FRY: variants seen among roughly 807,000 people sequenced by gnomAD.
FRY encodes protein furry homolog.
A neutral mutation model predicts 348.4 loss-of-function variants in FRY; 128 were observed. That is an observed-to-expected ratio of 0.37 (90% confidence interval 0.32 to 0.43). The LOEUF is 0.43. Ranked by LOEUF, FRY falls within the 20% of genes least tolerant of loss-of-function variation. The pLI, the probability that FRY is intolerant of heterozygous loss-of-function variation, is 1.00. For synonymous variants in FRY, 1,370 were observed against 1,374.7 expected (o/e 1.00, Z 0.08); for missense variants, 2,736 against 3,695.2 (o/e 0.74, Z 6.73).
rs768008979 is a variant in FRY at position 32,261,769 on chromosome 13, G to A, written c.7570G>A (p.Glu2524Lys). ...CCATGAGGACTCCGATGAATCATCC[G>A]AGGAGGAGGACCTCACAGCCAGCCA... is the stretch of plus-strand genomic sequence containing the variant. ...MHHEDSDESSEEEDLTASQIL... is the reference protein window; with the variant it reads ...MHHEDSDESSKEEDLTASQIL... The change falls in exon 52 of 61, where the codon GAG (glutamate) becomes AAG (lysine). Residue 2524 changes from glutamate to lysine, a missense_variant. Physicochemically the swap from Glu to Lys is moderately conservative, Grantham distance 56 (BLOSUM62 1). Coordinates refer to ENST00000542859, the MANE Select transcript of FRY (RefSeq NM_023037.3). The A allele has an allele frequency of 1.2e-6, 2 of 1,614,146 alleles. No homozygotes were observed. The highest frequency in any genetic ancestry group is 1.1e-5 in the South Asian group (1 of 91,080).
rs1555255761 is a variant in FRY, at chr13:32,130,491, T to TG, written c.717-1181_717-1180insG. 4.7e-4 allele frequency among the ~76,000 whole-genome samples: 72 copies of TG among 151,612 alleles called. 1 individual carries two copies. The highest frequency in any genetic ancestry group is 1.3e-3 in the African/African-American group (54 of 41,256). On this transcript the variant is annotated intron_variant, in intron 7 of 60. Transcript: ENST00000542859. ...GTGTGTGTGTGTGTGTGTGTGTGTA[T>TG]TTTTTGGTGAATAGACAAACCAGCT...
At position 32,179,762 on chromosome 13, in the gene FRY, G is replaced by A. The variant is rs771020089; in HGVS notation, c.2959G>A (p.Val987Ile). Residue 987 changes from valine (V) to isoleucine (I), a missense_variant, in exon 23 of 61, where the codon GTT becomes ATT. By Grantham distance (29) the Val-to-Ile change is conservative (BLOSUM62 3). Coordinates refer to ENST00000542859, the MANE Select transcript of FRY (RefSeq NM_023037.3). ...GAGCATTGAGATCACAGAGTCCTTA[G>A]TTTTAGGATTTGGAAGAACAAATTC... ...LESIEITESL[V>I]LGFGRTNSLV... 2 of 1,613,784 alleles carry A rather than the reference G, an allele frequency of 1.2e-6. No individual in the cohort carries two copies. Among genetic ancestry groups the A allele is most frequent in the South Asian group, 2.2e-5 (2 of 91,080 alleles).
intron 15 of FRY, among the ~76,000 whole-genome samples, chr13:32,156,300 T>A (rs567622152): frequency 2.0e-4 from 31 of 152,312 alleles, no homozygotes; most frequent in African/African-American, 7.2e-4. Flanking sequence ...TATGCAATGT[T>A]TAAATGACTT....
At chr13:32,151,598 T>G (rs766748054) in intron 14 of FRY, among the ~76,000 whole-genome samples, 1 of 152,256 alleles carries the variant, frequency 6.6e-6, no homozygotes, top group East Asian at 1.9e-4. Flanking sequence ...AGGATTATCT[T>G]ACTGTAAACT....
rs115203681 is a variant in FRY at position 32,162,322 on chromosome 13, T to G, written c.1892+1071T>G. Among the ~76,000 whole-genome samples the G allele has an allele frequency of 7.1e-3, 1,088 of 152,288 alleles. 10 individuals are homozygous for G. The highest frequency in any genetic ancestry group is 0.023 in the African/African-American group (974 of 41,548). On this transcript the variant is annotated intron_variant, in intron 17 of 60. Coordinates refer to ENST00000542859, the MANE Select transcript of FRY (RefSeq NM_023037.3). Reference sequence around the variant, plus strand: ...TTACACATAGCCTGGTTTACTCACATCCTCTCACCTTCTGAGAGCACCTTT... The same window carrying G: ...TTACACATAGCCTGGTTTACTCACAGCCTCTCACCTTCTGAGAGCACCTTT...
chr13:32,068,721 T>C (rs543990820), intron 1 of FRY, among the ~76,000 whole-genome samples: 1 of 152,244 alleles, frequency 6.6e-6, no homozygotes, highest in South Asian at 2.1e-4. Flanking sequence ...ACAAAAATGG[T>C]TTTGAGAGAA....
rs569349711 is a variant in FRY at position 32,229,095 on chromosome 13, A to G, written c.5405+441A>G. ...CTGCCAAGGGGACCATTGTCTGTTC[A>G]TCTGGTCCAAAGAGTCATTTGTAAA... On this transcript the variant is annotated intron_variant, in intron 40 of 60. Transcript: ENST00000542859. Among the ~76,000 whole-genome samples the G allele has an allele frequency of 3.3e-5, 5 of 152,338 alleles. No homozygotes were observed. In the East Asian group the frequency reaches 9.6e-4, roughly 29 times the overall value.
intron 8 of FRY, among the ~76,000 whole-genome samples, chr13:32,132,291 CA>C (rs1879418364): frequency 8.0e-6 from 1 of 125,180 alleles, no homozygotes; most frequent in Non-Finnish European, 1.7e-5. Context: ...ATTTATTGCC[CA>C]GTGCCCATCA....
intron 11 of FRY, among the ~76,000 whole-genome samples, chr13:32,140,179 A>T (rs78527014): frequency 8.3e-4 from 126 of 152,276 alleles, no homozygotes; most frequent in African/African-American, 2.9e-3. Flanking sequence ...CACTGGAGAT[A>T]CATTATGAGC....
rs1053379596 is a variant in FRY, at chr13:32,296,709, G to C, written c.*1249G>C. 4 of 152,210 alleles carry C rather than the reference G, an allele frequency of 2.6e-5. No individual in the cohort carries two copies. The highest frequency in any genetic ancestry group is 2.0e-4 in the Admixed American group (3 of 15,272). 9.4% of individuals were successfully genotyped at this position (152,210 alleles called of 1,614,324 possible). The stretch of plus-strand genomic sequence containing the variant: ...TGGGCACACATGAAGTTTTGCATGT[G>C]GGTTGCCAAAGTAATAACCCCAAGG... On this transcript the variant is annotated 3_prime_UTR_variant, in exon 61 of 61. Coordinates refer to ENST00000542859, the MANE Select transcript of FRY (RefSeq NM_023037.3).
intron 3 of FRY, among the ~76,000 whole-genome samples, chr13:32,116,559 G>A (rs1416715481): frequency 4.0e-5 from 6 of 151,894 alleles, no homozygotes; most frequent in Non-Finnish European, 8.8e-5. Context: ...AAGTCACAAA[G>A]GTTTTATCCT....
At chr13:32,218,298 G>A (rs1018359439) in intron 35 of FRY, among the ~76,000 whole-genome samples, 1 of 152,168 alleles carries the variant, frequency 6.6e-6, no homozygotes, top group Admixed American at 6.6e-5. Flanking sequence ...AATGTTTGGG[G>A]TACAATTTTT....
At position 32,262,171 on chromosome 13, in the gene FRY, T is replaced by TA. The variant is rs1187389716; in HGVS notation, c.7618-142dup. ...GATTTTCTGAAAATACCTGGATTACTAGCTGCTATGTTTAAGGCCCAATAA... is the reference window on the plus strand; with the variant it reads ...GATTTTCTGAAAATACCTGGATTACTAAGCTGCTATGTTTAAGGCCCAATAA... On this transcript the variant is annotated intron_variant, in intron 52 of 60. Coordinates refer to ENST00000542859, the MANE Select transcript of FRY (RefSeq NM_023037.3). 1.7e-5 allele frequency: 12 copies of TA among 701,210 alleles called. No individual in the cohort carries two copies. The African/African-American group carries it at 2.1e-4, about 12-fold the overall frequency. 43.4% of individuals were successfully genotyped at this position (701,210 alleles called of 1,614,324 possible).
intron 1 of FRY, among the ~76,000 whole-genome samples, chr13:32,055,859 G>A (rs868287789): frequency 2.2e-4 from 33 of 152,026 alleles, no homozygotes; most frequent in African/African-American, 6.8e-4. Flanking sequence ...CATTAACATA[G>A]AATCCCTTCT....
chr13:32,165,382 C>G (rs1430439401), intron 17 of FRY, among the ~76,000 whole-genome samples: 1 of 152,150 alleles, frequency 6.6e-6, no homozygotes, highest in Non-Finnish European at 1.5e-5. Context: ...TATATATTGC[C>G]TCAATAATTC....
At chr13:32,102,100 ATG>A (rs1877201183) in intron 3 of FRY, 84 bp downstream of exon 3, 5 of 807,728 alleles carry the variant, frequency 6.2e-6, no homozygotes, top group Non-Finnish European at 8.9e-6. Context: ...CTATTGTTGT[ATG>A]GATGAACATC....
intron 17 of FRY, among the ~76,000 whole-genome samples, chr13:32,169,398 A>G (rs1189885807): frequency 6.6e-6 from 1 of 152,200 alleles, no homozygotes; most frequent in Non-Finnish European, 1.5e-5. Flanking sequence ...GTGAAGTGCT[A>G]AATATTGCAC....
intron 36 of FRY, among the ~76,000 whole-genome samples, chr13:32,222,909 C>T (rs1402773942): frequency 2.0e-5 from 3 of 152,054 alleles, no homozygotes; most frequent in Admixed American, 6.6e-5. Context: ...AGGGGAAAGT[C>T]GGGGATGACT....
At chr13:32,155,345 A>G (rs1806972988) in intron 14 of FRY, 146 bp from the exon 15 acceptor site, 2 of 674,514 alleles carry the variant, frequency 3.0e-6, no homozygotes, top group African/African-American at 1.8e-5. Context: ...TTTTCATAAG[A>G]TTGCTCTACA....
Sources: gnomAD v4.1 joint callset for allele counts (sites outside exome capture counted in the v4.1 genomes callset) on GRCh38, gnomAD v4.1.1 for gene constraint, MANE v1.5 for transcripts, NCBI Gene and HGNC (gene_info 2026-07-23, HGNC 2026-07-21) for gene names.